Variants in KALRN observed in about 807,000 individuals in gnomAD.
KALRN encodes the protein kalirin RhoGEF kinase.
Under a neutral mutation model 353.7 loss-of-function variants are expected in KALRN, and 70 were observed. The observed-to-expected ratio is 0.20, with a 90% confidence interval of 0.16 to 0.24. The LOEUF (loss-of-function observed/expected upper bound fraction) is 0.24, where lower values mean the gene tolerates loss of function less well. Among genes scored for constraint, KALRN ranks in the 10% least tolerant of loss-of-function variants. The pLI is 1.00. For missense variants in KALRN, 2,791 were observed against 3,756.7 expected, an observed-to-expected ratio of 0.74 and a Z score of 6.72; for synonymous variants, 1,391 against 1,434.8, an observed-to-expected ratio of 0.97 and a Z score of 0.69.
rs546775716 is a variant in KALRN, at chr3:124,592,040, C to T, written c.5182+28951C>T. Reference sequence around the variant, plus strand: ...AAGAGTCTGGGCATAGTGGCTCACACGTGTAATCCCAGCACTCTGGGACGC... The same window carrying T: ...AAGAGTCTGGGCATAGTGGCTCACATGTGTAATCCCAGCACTCTGGGACGC... On this transcript the variant is annotated intron_variant, in intron 34 of 59. Coordinates refer to ENST00000682506, the MANE Select transcript of KALRN (RefSeq NM_001388419.1). Among the ~76,000 whole-genome samples, 9 of 152,284 alleles carry T rather than the reference C, an allele frequency of 5.9e-5. No individual in the cohort carries two copies. In the Middle Eastern group the frequency reaches 0.01, roughly 173 times the overall value.
At position 124,462,625 on chromosome 3, in the gene KALRN, C is replaced by G; in HGVS notation, c.4023C>G (p.Phe1341Leu). The change falls in exon 25 of 60, where the codon TTC becomes TTG. Residue 1341 changes from phenylalanine to leucine, a missense_variant. Around this residue, in one of 11 missense-constraint regions of KALRN, gnomAD observed 268 missense variants for 347.0 expected, o/e 0.77. Coordinates refer to ENST00000682506, the MANE Select transcript of KALRN (RefSeq NM_001388419.1). ...IFGNIQEIYD[F>L]HNNIFLKELE... ...GCAACATCCAAGAGATCTACGATTT[C>G]CATAACAAGTAGGTTTGTGGAGGGT... The G allele has an allele frequency of 6.3e-7, 1 of 1,595,076 alleles. No individual in the cohort carries two copies. Among genetic ancestry groups the G allele is most frequent in the Non-Finnish European group, 8.6e-7 (1 of 1,162,804 alleles).
chr3:124,707,016 A>T (rs2062650714), intron 57 of KALRN, among the ~76,000 whole-genome samples: 1 of 152,138 alleles, frequency 6.6e-6, no homozygotes, highest in South Asian at 2.1e-4. Flanking sequence ...CTGGGTATCA[A>T]ATTAAATAAT....
At chr3:124,482,698 A>G (rs2062112348) in intron 27 of KALRN, 110 bp from the exon 28 acceptor site, 3 of 741,204 alleles carry the variant, frequency 4.0e-6, no homozygotes, top group South Asian at 1.6e-5. Context: ...ATACTTGTCT[A>G]CCTTTTTCTC....
At position 124,033,590 on chromosome 3, in the gene KALRN, C is replaced by A. The variant is rs1321757148; in HGVS notation, c.-151C>A. ...GGCTCAGCGTCCTCTGCCCCAGCCC[C>A]GCCGCCCAACGCCCGCCCTCGAAGC... On this transcript the variant is annotated 5_prime_UTR_variant, in exon 1 of 60. Transcript: ENST00000682506. This position sits in a 1 kb window ranked among gnomAD's most constrained non-coding sequence, Gnocchi z 6.2. 6.6e-6 allele frequency among the ~76,000 whole-genome samples: 1 copy of A among 151,492 alleles called. No individual in the cohort carries two copies. Among genetic ancestry groups the A allele is most frequent in the Non-Finnish European group, 1.5e-5 (1 of 67,818 alleles).
At chr3:124,538,180 G>A (rs1055089451) in intron 33 of KALRN, among the ~76,000 whole-genome samples, 6 of 152,178 alleles carry the variant, frequency 3.9e-5, no homozygotes, top group African/African-American at 1.4e-4. Flanking sequence ...CAGCACAGCA[G>A]GACGATTTTG....
At chr3:124,365,424 G>A (rs1369039782) in intron 10 of KALRN, among the ~76,000 whole-genome samples, 1 of 152,040 alleles carries the variant, frequency 6.6e-6, no homozygotes, top group African/African-American at 2.4e-5. Flanking sequence ...CATTCCACGG[G>A]GCCTAATCAG....
At chr3:124,619,482 C>CT (rs59009780) in intron 34 of KALRN, among the ~76,000 whole-genome samples, 27,635 of 104,614 alleles carry the variant, frequency 0.26, 3,876 homozygotes, top group Middle Eastern at 0.39. Flanking sequence ...TATTTTCCTT[C>CT]TTTTTTTTTT....
chr3:124,659,232 T>G (rs1559788855), intron 42 of KALRN, 133 bp from the exon 43 acceptor site: 1 of 702,640 alleles, frequency 1.4e-6, no homozygotes, highest in Non-Finnish European at 2.6e-6. Context: ...CAATTTTACC[T>G]CTCACATTAC....
intron 15 of KALRN, among the ~76,000 whole-genome samples, chr3:124,426,078 TC>T (rs1398589607): frequency 6.6e-6 from 1 of 152,196 alleles, no homozygotes; most frequent in Non-Finnish European, 1.5e-5. Context: ...GCAGTGGCCC[TC>T]GAGGTGCCAA....
At chr3:124,307,699 G>A (rs1056641102) in intron 6 of KALRN, among the ~76,000 whole-genome samples, 1 of 151,742 alleles carries the variant, frequency 6.6e-6, no homozygotes, top group Non-Finnish European at 1.5e-5. Flanking sequence ...TGCAAAAAAA[G>A]CAGTACAGGG....
At chr3:124,679,586 C>T (rs766618881) in intron 51 of KALRN, 69 bp downstream of exon 51, 1 of 1,322,852 alleles carries the variant, frequency 7.6e-7, no homozygotes, top group South Asian at 1.2e-5. Context: ...GTAACAGTGA[C>T]CTTGCTAAAA....
At chr3:124,040,238 A>T (rs919481365) in intron 1 of KALRN, among the ~76,000 whole-genome samples, 5 of 152,214 alleles carry the variant, frequency 3.3e-5, no homozygotes, top group Non-Finnish European at 7.3e-5. Context: ...AAAATCAATA[A>T]AACACTATAA....
At chr3:124,193,374 G>C (rs745647701) in intron 1 of KALRN, among the ~76,000 whole-genome samples, 34 of 151,438 alleles carry the variant, frequency 2.2e-4, no homozygotes, top group African/African-American at 7.1e-4. Flanking sequence ...TCATCTCTGG[G>C]CTTTTTCTAC....
chr3:124,249,221 G>A (rs1045212357), intron 3 of KALRN, among the ~76,000 whole-genome samples: 24 of 152,336 alleles, frequency 1.6e-4, no homozygotes, highest in African/African-American at 4.1e-4. Context: ...TAATGGGGTG[G>A]GGAATGGGGG....
At chr3:124,396,225 A>G (rs925384588) in intron 12 of KALRN, among the ~76,000 whole-genome samples, 3 of 151,736 alleles carry the variant, frequency 2.0e-5, no homozygotes, top group Non-Finnish European at 4.4e-5. Context: ...GGCTATCCCT[A>G]GGGCCTGAGG....
chr3:124,648,123 C>T (rs1463428105), intron 37 of KALRN, among the ~76,000 whole-genome samples: 3 of 152,230 alleles, frequency 2.0e-5, no homozygotes, highest in African/African-American at 7.2e-5. Context: ...ACCCTAGTTG[C>T]CCTTAGCTGG....
At chr3:124,467,136 G>A (rs776694666) in intron 25 of KALRN, among the ~76,000 whole-genome samples, 1 of 152,214 alleles carries the variant, frequency 6.6e-6, no homozygotes, top group Non-Finnish European at 1.5e-5. Flanking sequence ...CTGCTCCGAA[G>A]GAGCAGGACC....
At chr3:124,328,007 G>A (rs1193362133) in intron 7 of KALRN, among the ~76,000 whole-genome samples, 2 of 152,168 alleles carry the variant, frequency 1.3e-5, no homozygotes, top group African/African-American at 2.4e-5. Flanking sequence ...CACGAGAGAT[G>A]GAATATGTAA....
intron 28 of KALRN, among the ~76,000 whole-genome samples, chr3:124,486,449 C>T (rs146965258): frequency 2.5e-4 from 38 of 152,214 alleles, no homozygotes; most frequent in African/African-American, 7.0e-4. Flanking sequence ...ACAAGGGTGA[C>T]GTTATACTGA....
Sources: allele counts gnomAD v4.1 joint callset (sites outside exome capture counted in the v4.1 genomes callset), GRCh38; gene constraint gnomAD v4.1.1; regional missense constraint gnomAD v4.1.1; non-coding constraint Gnocchi (gnomAD v3.1); transcripts MANE v1.5; gene names NCBI Gene and HGNC (gene_info 2026-07-23, HGNC 2026-07-21).